The following ACSM3 variants were observed in gnomAD, a reference collection of about 807,000 sequenced individuals.
The protein encoded by ACSM3 is acyl-CoA synthetase medium chain family member 3, also known as acyl-coenzyme A synthetase ACSM3, mitochondrial.
A neutral mutation model predicts 74.1 loss-of-function variants in ACSM3; 61 were observed. The ratio of observed to expected loss-of-function variants is 0.82; its 90% CI spans 0.67 to 1.02. ACSM3 has a LOEUF of 1.02. Ranked by LOEUF, ACSM3 falls within the 50% of genes least tolerant of loss-of-function variation. The pLI is 0.00. For synonymous variants in ACSM3, 213 were observed against 241.5 expected (o/e 0.88, Z 1.09); for missense variants, 660 against 697.0 (o/e 0.95, Z 0.60).
intron 9 of ACSM3, among the ~76,000 whole-genome samples, chr16:20,787,062 C>T (rs1435767306): frequency 6.6e-6 from 1 of 152,198 alleles, no homozygotes; most frequent in Non-Finnish European, 1.5e-5. Flanking sequence ...ATTCCAGTTC[C>T]CCATCAGCAA....
At chr16:20,712,422 G>A (rs887909766) in intron 1 of ACSM3, among the ~76,000 whole-genome samples, 1 of 152,040 alleles carries the variant, frequency 6.6e-6, no homozygotes, top group Non-Finnish European at 1.5e-5. Flanking sequence ...GAATGAATGA[G>A]CAAAAGAAAT....
At chr16:20,777,726 T>A in intron 4 of ACSM3, 146 bp downstream of exon 4, 1 of 728,928 alleles carries the variant, frequency 1.4e-6, no homozygotes, top group Non-Finnish European at 2.2e-6. Context: ...CTAATAGTGC[T>A]AAACTCTGAA....
chr16:20,689,751 T>C (rs2079618824), intron 1 of ACSM3, among the ~76,000 whole-genome samples: 1 of 151,156 alleles, frequency 6.6e-6, no homozygotes, highest in South Asian at 2.1e-4. Context: ...ACCCATCTTG[T>C]TTCAAAAATT....
At chr16:20,701,529 T>C (rs896491345) in intron 1 of ACSM3, among the ~76,000 whole-genome samples, 5 of 152,210 alleles carry the variant, frequency 3.3e-5, no homozygotes, top group African/African-American at 7.2e-5. Context: ...TGGAATCTTT[T>C]TAAAAAAATT....
chr16:20,686,979 T>C (rs2079564817), intron 1 of ACSM3, among the ~76,000 whole-genome samples: 1 of 64,512 alleles, frequency 1.6e-5, no homozygotes, highest in African/African-American at 4.5e-5. Context: ...AATTTTGTGA[T>C]TTTTTTTTTT....
intron 1 of ACSM3, chr16:20,729,326 G>A (rs930532754): frequency 7.5e-6 from 11 of 1,459,480 alleles, no homozygotes; most frequent in East Asian, 2.3e-5. Context: ...CTGGTTTGTC[G>A]GCAGAGCTGA....
chr16:20,722,813 T>C (rs2079790507), intron 1 of ACSM3, among the ~76,000 whole-genome samples: 1 of 152,230 alleles, frequency 6.6e-6, no homozygotes, highest in Non-Finnish European at 1.5e-5. Context: ...TTAATATATA[T>C]ACATTCCTTC....
intron 2 of ACSM3, among the ~76,000 whole-genome samples, chr16:20,772,925 C>T (rs2152457689): frequency 6.6e-6 from 1 of 151,286 alleles, no homozygotes; most frequent in South Asian, 2.1e-4. Context: ...TGAGATCACA[C>T]CATTGCACTC....
At chr16:20,732,159 T>G (rs1033078706) in intron 1 of ACSM3, among the ~76,000 whole-genome samples, 2 of 152,282 alleles carry the variant, frequency 1.3e-5, no homozygotes, top group Non-Finnish European at 2.9e-5. Flanking sequence ...AAAGAAACCA[T>G]GAAATCTTTC....
At chr16:20,729,578 T>C (rs907731224) in intron 1 of ACSM3, 1 of 379,532 alleles carries the variant, frequency 2.6e-6, no homozygotes, top group Non-Finnish European at 5.1e-6. Flanking sequence ...TTAATTAAAG[T>C]AGCAACTTTA....
chr16:20,756,496 G>A (rs897997266), intron 3 of ACSM3, among the ~76,000 whole-genome samples: 11 of 152,048 alleles, frequency 7.2e-5, no homozygotes, highest in African/African-American at 2.4e-4. Context: ...TTTTTTTCTT[G>A]TAAATCTGTT....
At chr16:20,696,292 C>T (rs954075987) in intron 1 of ACSM3, among the ~76,000 whole-genome samples, 23 of 152,166 alleles carry the variant, frequency 1.5e-4, no homozygotes, top group African/African-American at 4.3e-4. Context: ...TCTCTATCTC[C>T]GTCTCTGTCT....
chr16:20,741,481 G>GCCC, intron 1 of ACSM3: 3 of 1,308,414 alleles, frequency 2.3e-6, no homozygotes, highest in Admixed American at 3.7e-5. Flanking sequence ...CTGGCAGCCG[G>GCCC]CCCGCCCGCC....
At chr16:20,743,265 G>A (rs1053804276) in intron 1 of ACSM3, among the ~76,000 whole-genome samples, 2 of 151,784 alleles carry the variant, frequency 1.3e-5, no homozygotes, top group South Asian at 2.1e-4. Context: ...TTCCCCTCGC[G>A]CATTTCCCAC....
At chr16:20,758,309 A>C (rs1253610784) in intron 3 of ACSM3, among the ~76,000 whole-genome samples, 1 of 152,234 alleles carries the variant, frequency 6.6e-6, no homozygotes, top group African/African-American at 2.4e-5. Context: ...CCACAATTTC[A>C]GATCCTGTTA....
At chr16:20,726,193 G>T (rs2079805339) in intron 1 of ACSM3, among the ~76,000 whole-genome samples, 1 of 152,114 alleles carries the variant, frequency 6.6e-6, no homozygotes. Context: ...AGAAAGAAAA[G>T]CATATTTATA....
Position 20,790,829 on chromosome 16 carries a change from G to T in ACSM3, c.1326+141G>T, listed in dbSNP as rs750990673. ...GGTTGTCCTGAATAGTAATCCAAAA[G>T]ACAAGAAATTGAAGAAATACCCAAA... On this transcript the variant is annotated intron_variant, in intron 10 of 13. Transcript: ENST00000289416. The surrounding 1 kb of genome is among the most constrained non-coding windows in gnomAD (Gnocchi z 4.0). 1.2e-6 allele frequency: 2 copies of T among 1,613,932 alleles called. No individual in the cohort carries two copies. The highest frequency in any genetic ancestry group is 2.2e-5 in the East Asian group (1 of 44,872).
chr16:20,752,191 CAA>C (rs879471716), intron 2 of ACSM3, among the ~76,000 whole-genome samples: 3 of 141,850 alleles, frequency 2.1e-5, no homozygotes, highest in African/African-American at 7.8e-5. Context: ...CTCTGTCTCA[CAA>C]AAAAAAAAAG....
chr16:20,712,966 C>A (rs1259253023), intron 1 of ACSM3, among the ~76,000 whole-genome samples: 1 of 151,236 alleles, frequency 6.6e-6, no homozygotes, highest in Non-Finnish European at 1.5e-5. Context: ...GACATGTAAA[C>A]CCTGCTGAAT....
Sources: allele counts gnomAD v4.1 joint callset (sites outside exome capture counted in the v4.1 genomes callset), GRCh38; gene constraint gnomAD v4.1.1; non-coding constraint Gnocchi (gnomAD v3.1); transcripts MANE v1.5; gene names NCBI Gene and HGNC (gene_info 2026-07-23, HGNC 2026-07-21).